IAPP: variants seen among roughly 807,000 people sequenced by gnomAD.
IAPP encodes the protein islet amyloid polypeptide.
IAPP carries 4 observed loss-of-function variants against 2.9 expected under a neutral mutation model. The ratio of observed to expected loss-of-function variants is 1.39; its 90% CI spans 0.69 to 3.19. The LOEUF (loss-of-function observed/expected upper bound fraction) is 3.19, where lower values mean the gene tolerates loss of function less well. Ranked by LOEUF, IAPP falls within the 30% of genes most tolerant of loss-of-function variation. IAPP has a pLI of 0.01. For synonymous variants in IAPP, 40 were observed against 42.1 expected, an observed-to-expected ratio of 0.95 and a Z score of 0.19; for missense variants, 114 against 105.3, an observed-to-expected ratio of 1.08 and a Z score of -0.36.
chr12:21,373,097 AGGGAGAATGT>A, intron 1 of IAPP, 93 bp downstream of exon 1: 1 of 498,202 alleles, frequency 2.0e-6, no homozygotes, highest in Non-Finnish European at 3.6e-6. Context: ...GAAAGGCTAA[AGGGAGAATGT>A]ATTACAATAT....
At chr12:21,371,123 T>G (rs531916436), upstream of IAPP, among the ~76,000 whole-genome samples, 62 of 152,298 alleles carry the variant, frequency 4.1e-4, no homozygotes, top group Non-Finnish European at 6.8e-4. Flanking sequence ...ATGCGGAAAT[T>G]TCAAGGGAAG....
intron 2 of IAPP, chr12:21,373,644 A>G: frequency 1.4e-6 from 1 of 701,218 alleles, no homozygotes; most frequent in Non-Finnish European, 2.6e-6. Flanking sequence ...TCTGACAGAC[A>G]GGAATGGATA....
At chr12:21,355,006 A>C (rs563449769) in exon 1 of IAPP, 9 of 152,248 alleles carry the variant, frequency 5.9e-5, no homozygotes, top group Admixed American at 1.3e-4. Context: ...CTACATCTAC[A>C]TTTCCAGGTA....
At chr12:21,356,571 CT>C in intron 1 of IAPP, among the ~76,000 whole-genome samples, 1 of 152,032 alleles carries the variant, frequency 6.6e-6, no homozygotes, top group South Asian at 2.1e-4. Flanking sequence ...ACATTCAGAG[CT>C]TTTGAAAAAG....
upstream of IAPP, among the ~76,000 whole-genome samples, chr12:21,369,218 C>A (rs1939609938): frequency 6.6e-6 from 1 of 152,106 alleles, no homozygotes; most frequent in Non-Finnish European, 1.5e-5. Context: ...TCCTGACACT[C>A]ATGTTTATCT....
chr12:21,364,930 G>C (rs1039180788), intron 1 of IAPP, among the ~76,000 whole-genome samples: 8 of 152,122 alleles, frequency 5.3e-5, no homozygotes, highest in African/African-American at 1.7e-4. Context: ...TTTCATGCTC[G>C]TGGATAGGAA....
intron 1 of IAPP, among the ~76,000 whole-genome samples, chr12:21,367,783 G>T (rs1939499869): frequency 6.6e-6 from 1 of 151,726 alleles, no homozygotes; most frequent in South Asian, 2.1e-4. Flanking sequence ...GATTCCTGTT[G>T]ATCCAACATG....
Position 21,356,867 on chromosome 12 carries a change from A to C in IAPP, c.-16+1854A>C, listed in dbSNP as rs751023571. Among the ~76,000 whole-genome samples the C allele has an allele frequency of 2.0e-4, 31 of 152,144 alleles. 1 individual carries two copies. The highest frequency in any genetic ancestry group is 1.3e-4 in the Admixed American group (2 of 15,266). Reference sequence around the variant, plus strand: ...TATGGAGATCTATAGAGTAGTGAGAACTTTTGTATCTTAAACAGAAAATAT... The same window carrying C: ...TATGGAGATCTATAGAGTAGTGAGACCTTTTGTATCTTAAACAGAAAATAT... On this transcript the variant is annotated intron_variant, in intron 1 of 2. Coordinates refer to the IAPP transcript ENST00000539393.
chr12:21,366,193 T>C (rs1235481333), intron 1 of IAPP, among the ~76,000 whole-genome samples: 3 of 152,062 alleles, frequency 2.0e-5, no homozygotes, highest in Non-Finnish European at 2.9e-5. Context: ...ATGTGGCACA[T>C]ATACACCATG....
Position 21,361,380 on chromosome 12 carries a change from C to G in IAPP, c.-16+6367C>G, listed in dbSNP as rs375660409. ...AAGGACATCCACACCAAAACCCCAT[C>G]TGTAGGTCACCATGATCAGAGACGA... On this transcript the variant is annotated intron_variant, in intron 1 of 2. Transcript: ENST00000539393. 7.2e-5 allele frequency among the ~76,000 whole-genome samples: 11 copies of G among 152,272 alleles called. No individual in the cohort carries two copies. The East Asian group carries it at 1.4e-3, about 19-fold the overall frequency.
In IAPP at chr12:21,378,443, ATAG is replaced by A; in HGVS notation, c.*19_*21del. 1.9e-6 allele frequency: 3 copies of A among 1,590,610 alleles called. No homozygotes were observed. The South Asian group carries it at 3.3e-5, about 18-fold the overall frequency. ...CCCCTTTAGAGGACAATGTAACTCT[ATAG>A]TTATTGTTTTATGTTCTAGTGATTT... On this transcript the variant is annotated 3_prime_UTR_variant, in exon 3 of 3. Transcript: ENST00000240652.
At chr12:21,364,813 A>G (rs548417419) in intron 1 of IAPP, among the ~76,000 whole-genome samples, 4 of 152,318 alleles carry the variant, frequency 2.6e-5, no homozygotes, top group Admixed American at 2.6e-4. Context: ...CAAAGAGAAT[A>G]AAATACCTAG....
rs778378535 is a variant in IAPP, at chr12:21,373,322, G to A, written c.-15-15G>A. On this transcript the variant is annotated splice_polypyrimidine_tract_variant and intron_variant, in intron 1 of 2. Coordinates refer to ENST00000240652, the MANE Select transcript of IAPP (RefSeq NM_000415.3). ...AAGAAATCTCTTGATTTCAGTGCTG[G>A]ATTATTCTTTGCAGAAAATTTGAGA... 4 of 1,461,906 alleles carry A rather than the reference G, an allele frequency of 2.7e-6. No individual in the cohort carries two copies. The highest frequency in any genetic ancestry group is 2.3e-5 in the South Asian group (2 of 88,008). The allele number at this position is 1,461,906 out of a possible 1,614,324, so 90.6% of individuals were successfully genotyped here. A position where few individuals can be genotyped will look rare whatever the true frequency, so the allele number is the denominator to read the frequency against.
intron 1 of IAPP, among the ~76,000 whole-genome samples, chr12:21,363,103 C>A (rs1419203340): frequency 2.0e-5 from 3 of 152,190 alleles, no homozygotes; most frequent in Admixed American, 1.3e-4. Context: ...TTCTTCTCAG[C>A]AACACATCAC....
At chr12:21,357,551 T>C (rs1938470358) in intron 1 of IAPP, among the ~76,000 whole-genome samples, 1 of 152,214 alleles carries the variant, frequency 6.6e-6, no homozygotes, top group Admixed American at 6.5e-5. Context: ...GTCATTGTTA[T>C]TTTCCCATTT....
intron 1 of IAPP, among the ~76,000 whole-genome samples, chr12:21,364,236 G>A (rs1939185705): frequency 6.6e-6 from 1 of 152,156 alleles, no homozygotes. Flanking sequence ...TGCAAGGCTG[G>A]TTCAACATAT....
Position 21,374,819 on chromosome 12 carries a change from G to GTCTCTCTC in IAPP, c.80+1402_80+1409dup, listed in dbSNP as rs71043266. ...TTTTTTTATTTTATTTTGAGACAGG[G>GTCTCTCTC]TCTCTCTCTCTCTCTCTCTCTGTCT... is the stretch of plus-strand genomic sequence containing the variant. On this transcript the variant is annotated intron_variant, in intron 2 of 2. Transcript: ENST00000240652. 4.3e-3 allele frequency among the ~76,000 whole-genome samples: 631 copies of GTCTCTCTC among 148,340 alleles called. 6 individuals carry two copies. Among genetic ancestry groups the GTCTCTCTC allele is most frequent in the African/African-American group, 0.012 (488 of 40,394 alleles).
chr12:21,370,899 G>A (rs1257880895), upstream of IAPP, among the ~76,000 whole-genome samples: 1 of 152,148 alleles, frequency 6.6e-6, no homozygotes, highest in Non-Finnish European at 1.5e-5. Context: ...GCCCTCAAGG[G>A]TTCTTGGCTT....
At position 21,378,536 on chromosome 12, in the gene IAPP, T is replaced by C. The variant is rs545862145; in HGVS notation, c.*110T>C. The C allele has an allele frequency of 2.2e-6, 2 of 920,030 alleles. No homozygotes were observed. Among genetic ancestry groups the C allele is most frequent in the Non-Finnish European group, 3.5e-6 (2 of 567,874 alleles). The allele number at this position is 920,030 out of a possible 1,614,324, so 57.0% of individuals were successfully genotyped here. On this transcript the variant is annotated 3_prime_UTR_variant, in exon 3 of 3. Coordinates refer to ENST00000240652, the MANE Select transcript of IAPP (RefSeq NM_000415.3). Reference sequence around the variant, plus strand: ...AATATATGGTCTGTGTGTCTGATGTTTGTTGCTAGGACATATACCTTCTCA... The same window carrying C: ...AATATATGGTCTGTGTGTCTGATGTCTGTTGCTAGGACATATACCTTCTCA...
Sources: allele counts gnomAD v4.1 joint callset (sites outside exome capture counted in the v4.1 genomes callset), GRCh38; gene constraint gnomAD v4.1.1; transcripts MANE v1.5; gene names NCBI Gene and HGNC (gene_info 2026-07-23, HGNC 2026-07-21).